CMKLR1: variants seen among roughly 807,000 people sequenced by gnomAD.
CMKLR1 encodes chemerin-like receptor 1.
CMKLR1 carries 6 observed loss-of-function variants against 8.2 expected under a neutral mutation model. The ratio of observed to expected loss-of-function variants is 0.73; its 90% CI spans 0.40 to 1.44. CMKLR1 has a LOEUF of 1.44. CMKLR1 is among the 40% of genes most tolerant of loss of function. The pLI is 0.02. For synonymous variants in CMKLR1, 178 were observed against 181.2 expected, an observed-to-expected ratio of 0.98 and a Z score of 0.14; for missense variants, 429 against 478.0, an observed-to-expected ratio of 0.90 and a Z score of 0.96.
chr12:108,310,959 C>A lies in CMKLR1; in HGVS notation c.-73-17295G>T, dbSNP rs376318118. Among the ~76,000 whole-genome samples, 10 of 143,430 alleles carry A rather than the reference C, an allele frequency of 7.0e-5. 1 individual carries two copies. The highest frequency in any genetic ancestry group is 1.3e-4 in the African/African-American group (5 of 39,620). The allele number at this position is 143,430 out of a possible 152,430, so 94.1% of individuals were successfully genotyped here. ...GTAAGTTCGAAGACCGCCCCCCCACCCCCCGCCCAGGAGATGAGCAGGGTG... is the reference window on the plus strand; with the variant it reads ...GTAAGTTCGAAGACCGCCCCCCCACACCCCGCCCAGGAGATGAGCAGGGTG... On this transcript the variant is annotated intron_variant, in intron 2 of 3. Coordinates refer to ENST00000550402, the MANE Select transcript of CMKLR1 (RefSeq NM_001142343.2).
chr12:108,297,948 A>G (rs1891179018), intron 2 of CMKLR1, among the ~76,000 whole-genome samples: 2 of 152,170 alleles, frequency 1.3e-5, no homozygotes, highest in African/African-American at 4.8e-5. Flanking sequence ...CTAGTCAATG[A>G]TGTTGCTCCC....
In CMKLR1 at chr12:108,323,795, T is replaced by C. The variant is rs79836423; in HGVS notation, c.-74+6200A>G. ...TCTGATATCCAATCTAGCGCCTCAG[T>C]TTCCTCTTCTGGAAATGAGTTCTTT... On this transcript the variant is annotated intron_variant, in intron 2 of 3. Transcript: ENST00000550402. Among the ~76,000 whole-genome samples, 641 of 152,298 alleles carry C rather than the reference T, an allele frequency of 4.2e-3. 5 individuals are homozygous for C. Among genetic ancestry groups the C allele is most frequent in the Non-Finnish European group, 6.9e-3 (471 of 68,034 alleles).
chr12:108,328,982 C>T (rs142647896), intron 2 of CMKLR1, among the ~76,000 whole-genome samples: 16 of 152,286 alleles, frequency 1.1e-4, no homozygotes, highest in African/African-American at 3.4e-4. Context: ...GGGGGACCCA[C>T]CATTCAATCA....
rs188979699 is a variant in CMKLR1 at position 108,311,970 on chromosome 12, G to A, written c.-74+18025C>T. On this transcript the variant is annotated intron_variant, in intron 2 of 3. Transcript: ENST00000550402. Reference sequence around the variant, plus strand: ...CTGCTCTTGCAGGTCCCTCTGCCTGGGGTGTGCTTTCCACAAGCATCCCCT... The same window carrying A: ...CTGCTCTTGCAGGTCCCTCTGCCTGAGGTGTGCTTTCCACAAGCATCCCCT... 2.6e-5 allele frequency among the ~76,000 whole-genome samples: 4 copies of A among 152,302 alleles called. No individual in the cohort carries two copies. The East Asian group carries it at 5.8e-4, about 22-fold the overall frequency.
chr12:108,299,741 A>G lies in CMKLR1; in HGVS notation c.-73-6077T>C, dbSNP rs1229491859. 2.0e-5 allele frequency among the ~76,000 whole-genome samples: 3 copies of G among 152,290 alleles called. No individual in the cohort carries two copies. The East Asian group carries it at 5.8e-4, about 29-fold the overall frequency. ...TAGGAGGGATGCTGCCCCAAGCCAA[A>G]GAACATCTGGAGCCACCAGAAGCTG... On this transcript the variant is annotated intron_variant, in intron 2 of 3. Transcript: ENST00000550402.
At chr12:108,334,157 T>C (rs1892169808) in intron 1 of CMKLR1, among the ~76,000 whole-genome samples, 1 of 152,270 alleles carries the variant, frequency 6.6e-6, no homozygotes, top group Admixed American at 6.5e-5. Flanking sequence ...AGGAATCCTG[T>C]CTTTCCATCG....
In CMKLR1 at chr12:108,293,671, G is replaced by GTA; in HGVS notation, c.-73-8_-73-7insTA. Reference sequence around the variant, plus strand: ...TGTACACAGCTAGAAACACCTGTAGGGAAAAAAAAAAAAAAAAAAGCAGCA... The same window carrying GTA: ...TGTACACAGCTAGAAACACCTGTAGGTAGAAAAAAAAAAAAAAAAAAGCAGCA... On this transcript the variant is annotated splice_region_variant and splice_polypyrimidine_tract_variant and intron_variant, in intron 2 of 3. Coordinates refer to ENST00000550402, the MANE Select transcript of CMKLR1 (RefSeq NM_001142343.2). 1.8e-5 allele frequency: 22 copies of GTA among 1,190,804 alleles called. No homozygotes were observed. Among genetic ancestry groups the GTA allele is most frequent in the Non-Finnish European group, 2.1e-5 (18 of 875,004 alleles). The allele number at this position is 1,190,804 out of a possible 1,614,324, so 73.8% of individuals were successfully genotyped here.
At chr12:108,318,570 T>C (rs1001884290) in intron 2 of CMKLR1, among the ~76,000 whole-genome samples, 4 of 152,206 alleles carry the variant, frequency 2.6e-5, no homozygotes, top group African/African-American at 9.6e-5. Context: ...TATGACAGTA[T>C]CCACAGTGTG....
chr12:108,329,472 G>A (rs1892054623), intron 2 of CMKLR1, among the ~76,000 whole-genome samples: 2 of 152,132 alleles, frequency 1.3e-5, no homozygotes, highest in African/African-American at 2.4e-5. Flanking sequence ...ACTATTTCCT[G>A]GCTTCCCCAG....
intron 1 of CMKLR1, among the ~76,000 whole-genome samples, chr12:108,334,218 T>C (rs1593182184): frequency 2.0e-5 from 3 of 152,272 alleles, no homozygotes; most frequent in Admixed American, 1.3e-4. Flanking sequence ...TAAATGTTTG[T>C]TGAGTGAATT....
intron 2 of CMKLR1, among the ~76,000 whole-genome samples, chr12:108,309,245 T>C (rs375361670): frequency 1.3e-5 from 2 of 152,244 alleles, no homozygotes; most frequent in South Asian, 2.1e-4. Flanking sequence ...CAGTGATTTG[T>C]GCTGTGAATA....
rs1890868186 is a variant in CMKLR1, at chr12:108,288,677, C to G, written c.*3164G>C. 6.6e-6 allele frequency: 1 copy of G among 152,390 alleles called. No individual in the cohort carries two copies. Among genetic ancestry groups the G allele is most frequent in the Non-Finnish European group, 1.5e-5 (1 of 68,174 alleles). The allele number at this position is 152,390 out of a possible 1,614,324, so 9.4% of individuals were successfully genotyped here. ...GCTTGAGGCCCTTCGTGTTCTTGCTCTTCCCTTCTCCCTGTCCTTGCTGGC... is the reference window on the plus strand; with the variant it reads ...GCTTGAGGCCCTTCGTGTTCTTGCTGTTCCCTTCTCCCTGTCCTTGCTGGC... On this transcript the variant is annotated 3_prime_UTR_variant, in exon 4 of 4. Transcript: ENST00000550402.
At chr12:108,334,180 G>A (rs1340962095) in intron 1 of CMKLR1, among the ~76,000 whole-genome samples, 1 of 152,258 alleles carries the variant, frequency 6.6e-6, no homozygotes, top group Non-Finnish European at 1.5e-5. Context: ...CTTGCCCTGT[G>A]GAGAGCCAGA....
intron 1 of CMKLR1, among the ~76,000 whole-genome samples, chr12:108,334,999 T>C (rs1892188248): frequency 6.6e-6 from 1 of 151,990 alleles, no homozygotes; most frequent in Non-Finnish European, 1.5e-5. Context: ...GGGCCTGGAG[T>C]CTGGAAATTT....
chr12:108,324,488 C>G (rs556379268), intron 2 of CMKLR1, among the ~76,000 whole-genome samples: 33 of 152,174 alleles, frequency 2.2e-4, no homozygotes, highest in African/African-American at 7.7e-4. Context: ...TTCTCTACCC[C>G]AAGTTTCTCC....
intron 2 of CMKLR1, among the ~76,000 whole-genome samples, chr12:108,300,402 A>G (rs920124912): frequency 3.3e-5 from 5 of 152,238 alleles, no homozygotes; most frequent in African/African-American, 1.2e-4. Context: ...CCATGTACCT[A>G]TCACCTAATT....
At chr12:108,328,956 C>T (rs1041158169) in intron 2 of CMKLR1, among the ~76,000 whole-genome samples, 1 of 152,186 alleles carries the variant, frequency 6.6e-6, no homozygotes, top group Non-Finnish European at 1.5e-5. Context: ...ATCAGCAAGT[C>T]CTGGGAGTGG....
At chr12:108,310,315 A>G (rs1314347947) in intron 2 of CMKLR1, among the ~76,000 whole-genome samples, 1 of 152,078 alleles carries the variant, frequency 6.6e-6, no homozygotes, top group Non-Finnish European at 1.5e-5. Context: ...GGATGGTTTT[A>G]AGCAGAGGGT....
At chr12:108,300,473 GA>G (rs1891238801) in intron 2 of CMKLR1, among the ~76,000 whole-genome samples, 1 of 151,992 alleles carries the variant, frequency 6.6e-6, no homozygotes, top group Admixed American at 6.6e-5. Flanking sequence ...TTTGATGAAT[GA>G]ATGAATGAAT....
Sources: gnomAD v4.1 joint callset for allele counts (sites outside exome capture counted in the v4.1 genomes callset) on GRCh38, gnomAD v4.1.1 for gene constraint, MANE v1.5 for transcripts, NCBI Gene and HGNC (gene_info 2026-07-23, HGNC 2026-07-21) for gene names.